Variants in ASXL3 observed in about 807,000 individuals in gnomAD.
ASXL3 encodes putative Polycomb group protein ASXL3.
In ASXL3, 34 loss-of-function variants were observed where a neutral mutation model predicts 170.6. The observed-to-expected ratio is 0.20, with a 90% CI of 0.15 to 0.27. ASXL3 has a LOEUF of 0.27. Among genes scored for constraint, ASXL3 ranks in the 10% least tolerant of loss-of-function variants. The pLI is 1.00. For missense variants in ASXL3, 2,592 were observed against 2,695.3 expected, an observed-to-expected ratio of 0.96 and a Z score of 0.85; for synonymous variants, 1,002 against 989.1, an observed-to-expected ratio of 1.01 and a Z score of -0.24.
At chr18:33,583,829 A>G (rs2065012966) in intron 1 of ASXL3, among the ~76,000 whole-genome samples, 1 of 152,198 alleles carries the variant, frequency 6.6e-6, no homozygotes, top group Non-Finnish European at 1.5e-5. Context: ...TAATAATGTA[A>G]TAATTTTTAA....
At chr18:33,676,258 A>C (rs2066429238) in intron 7 of ASXL3, among the ~76,000 whole-genome samples, 1 of 149,750 alleles carries the variant, frequency 6.7e-6, no homozygotes, top group African/African-American at 2.5e-5. Flanking sequence ...TTATTCAGTC[A>C]TTCTAATTCT....
At chr18:33,663,806 G>A (rs1250902874) in intron 5 of ASXL3, among the ~76,000 whole-genome samples, 5 of 152,056 alleles carry the variant, frequency 3.3e-5, no homozygotes, top group Non-Finnish European at 5.9e-5. Context: ...TCTTAAGACA[G>A]CATTGCAAAA....
chr18:33,598,318 G>C (rs2065149379), intron 1 of ASXL3, among the ~76,000 whole-genome samples: 1 of 151,970 alleles, frequency 6.6e-6, no homozygotes, highest in Non-Finnish European at 1.5e-5. Flanking sequence ...TTTGTGTTAT[G>C]TTTAGATTTT....
chr18:33,670,804 A>G lies in ASXL3; in HGVS notation c.595+14A>G, dbSNP rs1235728878. 2 of 1,495,786 alleles carry G rather than the reference A, an allele frequency of 1.3e-6. No individual in the cohort carries two copies. Among genetic ancestry groups the G allele is most frequent in the South Asian group, 1.3e-5 (1 of 78,454 alleles). 92.7% of individuals were successfully genotyped at this position (1,495,786 alleles called of 1,614,324 possible). ...ATTCGCCTTCAGGTAAAGAGCTGAAATATCATATGCTTGGCCAGTTTCTTC... is the reference window on the plus strand; with the variant it reads ...ATTCGCCTTCAGGTAAAGAGCTGAAGTATCATATGCTTGGCCAGTTTCTTC... On this transcript the variant is annotated intron_variant, in intron 6 of 11. Transcript: ENST00000269197.
intron 1 of ASXL3, among the ~76,000 whole-genome samples, chr18:33,593,928 T>C (rs558158093): frequency 6.6e-6 from 1 of 152,294 alleles, no homozygotes; most frequent in Admixed American, 6.5e-5. Flanking sequence ...TCCCATAAAA[T>C]AAAAGATATT....
chr18:33,721,765 T>C (rs1328579376), intron 8 of ASXL3, among the ~76,000 whole-genome samples: 1 of 152,058 alleles, frequency 6.6e-6, no homozygotes, highest in African/African-American at 2.4e-5. Flanking sequence ...TTGTTTTAAT[T>C]TAGTTTGCTT....
chr18:33,636,095 C>G (rs951015001), intron 2 of ASXL3, among the ~76,000 whole-genome samples: 1 of 152,082 alleles, frequency 6.6e-6, no homozygotes, highest in Non-Finnish European at 1.5e-5. Flanking sequence ...TATCTTAGGT[C>G]GTAAAAGGCT....
intron 8 of ASXL3, among the ~76,000 whole-genome samples, chr18:33,731,265 G>T (rs1270028812): frequency 6.6e-6 from 1 of 152,160 alleles, no homozygotes; most frequent in South Asian, 2.1e-4. Context: ...ATTATAATTA[G>T]TGCTTAGGAT....
chr18:33,689,748 C>T (rs534596209), intron 8 of ASXL3, among the ~76,000 whole-genome samples: 9 of 152,264 alleles, frequency 5.9e-5, no homozygotes, highest in African/African-American at 1.9e-4. Context: ...CAAGCTTTTC[C>T]AGTGTAAACT....
In ASXL3 at chr18:33,725,712, T is replaced by C. The variant is rs191043825; in HGVS notation, c.880-6256T>C. ...TCCTTACATCAACATATCCAAAGCCTTCATTTCTTGTTTCTAAATACTGTT... is the reference window on the plus strand; with the variant it reads ...TCCTTACATCAACATATCCAAAGCCCTCATTTCTTGTTTCTAAATACTGTT... On this transcript the variant is annotated intron_variant, in intron 8 of 11. Transcript: ENST00000269197. Among the ~76,000 whole-genome samples the C allele has an allele frequency of 1.1e-3, 174 of 152,262 alleles. 1 individual carries two copies. Among genetic ancestry groups the C allele is most frequent in the Non-Finnish European group, 1.9e-3 (128 of 68,018 alleles).
At chr18:33,653,263 G>A (rs933206117) in intron 4 of ASXL3, among the ~76,000 whole-genome samples, 1 of 152,114 alleles carries the variant, frequency 6.6e-6, no homozygotes, top group African/African-American at 2.4e-5. Flanking sequence ...GGAGAAAGAC[G>A]ACACAGTGTG....
At chr18:33,706,197 G>C (rs2066953989) in intron 8 of ASXL3, among the ~76,000 whole-genome samples, 1 of 151,194 alleles carries the variant, frequency 6.6e-6, no homozygotes, top group Non-Finnish European at 1.5e-5. Flanking sequence ...AAAATACAAA[G>C]GGCTTCTAAA....
chr18:33,591,339 A>T (rs1254791212), intron 1 of ASXL3, among the ~76,000 whole-genome samples: 1 of 152,114 alleles, frequency 6.6e-6, no homozygotes, highest in Non-Finnish European at 1.5e-5. Flanking sequence ...GATGTTTTTC[A>T]TGCTCTGTCC....
At chr18:33,692,799 A>G (rs1264542344) in intron 8 of ASXL3, among the ~76,000 whole-genome samples, 1 of 152,246 alleles carries the variant, frequency 6.6e-6, no homozygotes. Context: ...TAACTTGTCT[A>G]ATAAATGTAA....
At chr18:33,580,376 A>C (rs181539843) in intron 1 of ASXL3, among the ~76,000 whole-genome samples, 402 of 152,308 alleles carry the variant, frequency 2.6e-3, no homozygotes, top group Non-Finnish European at 4.6e-3. Context: ...TTGTGTGGGG[A>C]TGTGCAAGGC....
intron 8 of ASXL3, among the ~76,000 whole-genome samples, chr18:33,698,945 G>A (rs755812014): frequency 2.6e-5 from 4 of 152,060 alleles, no homozygotes; most frequent in Middle Eastern, 3.2e-3. Context: ...GGCTGTGCCC[G>A]TTCGTGCTAT....
Position 33,746,473 on chromosome 18 carries a change from T to C in ASXL3, c.6625T>C (p.Leu2209=), listed in dbSNP as rs2067796916. The C allele has an allele frequency of 6.2e-7, 1 of 1,614,052 alleles. No homozygotes were observed. The highest frequency in any genetic ancestry group is 2.2e-5 in the East Asian group (1 of 44,866). ...NFADSSNADE[L]ELKCSCRLKA... ...TGCCGACAGCAGCAATGCAGATGAA[T>C]TGGAACTGAAATGCTCTTGCCGGCT... Residue 2209 remains leucine, a synonymous_variant, in exon 12 of 12, where the codon TTG becomes CTG. Coordinates refer to ENST00000269197, the MANE Select transcript of ASXL3 (RefSeq NM_030632.3).
intron 8 of ASXL3, among the ~76,000 whole-genome samples, chr18:33,689,801 G>A (rs1311166400): frequency 1.3e-5 from 2 of 152,134 alleles, no homozygotes; most frequent in African/African-American, 4.8e-5. Context: ...TTGTGAGGAA[G>A]TTCTTTTAAA....
chr18:33,636,651 G>A (rs952488384), intron 2 of ASXL3, among the ~76,000 whole-genome samples: 1 of 152,100 alleles, frequency 6.6e-6, no homozygotes, highest in Non-Finnish European at 1.5e-5. Context: ...TTGTGCCCAC[G>A]GCTGAGTGAG....
Sources: allele counts gnomAD v4.1 joint callset (sites outside exome capture counted in the v4.1 genomes callset), GRCh38; gene constraint gnomAD v4.1.1; transcripts MANE v1.5; gene names NCBI Gene and HGNC (gene_info 2026-07-23, HGNC 2026-07-21).